RALGAPA2: variants seen among roughly 807,000 people sequenced by gnomAD.
RALGAPA2 encodes Ral GTPase activating protein catalytic subunit alpha 2.
RALGAPA2 carries 139 observed loss-of-function variants against 230.4 expected under a neutral mutation model. That is an observed-to-expected ratio of 0.60 (90% CI 0.53 to 0.69). RALGAPA2 has a LOEUF of 0.69. Among genes scored for constraint, RALGAPA2 ranks in the 30% least tolerant of loss-of-function variants. The pLI is 0.00. For synonymous variants in RALGAPA2, 847 were observed against 837.8 expected (o/e 1.01, Z -0.19); for missense variants, 2,163 against 2,276.0 (o/e 0.95, Z 1.01).
intron 10 of RALGAPA2, among the ~76,000 whole-genome samples, chr20:20,628,054 A>G (rs1167597865): frequency 2.6e-5 from 4 of 152,236 alleles, no homozygotes; most frequent in African/African-American, 9.6e-5. Flanking sequence ...CCACAGAACC[A>G]GAAAAAAATA....
chr20:20,420,932 G>A (rs775055536), intron 37 of RALGAPA2, among the ~76,000 whole-genome samples: 20 of 152,294 alleles, frequency 1.3e-4, no homozygotes, highest in Non-Finnish European at 2.5e-4. Flanking sequence ...ACTACTGGCC[G>A]CTTTTGGTAT....
At chr20:20,509,604 C>T (rs2145318664) in intron 33 of RALGAPA2, among the ~76,000 whole-genome samples, 1 of 152,264 alleles carries the variant, frequency 6.6e-6, no homozygotes, top group South Asian at 2.1e-4. Flanking sequence ...ATACACAAAA[C>T]AGTTCATGCT....
chr20:20,564,230 C>A (rs890853390), intron 23 of RALGAPA2, among the ~76,000 whole-genome samples: 1 of 152,198 alleles, frequency 6.6e-6, no homozygotes, highest in Non-Finnish European at 1.5e-5. Context: ...ATCAAAGCCA[C>A]TCTAGTCATT....
In RALGAPA2 at chr20:20,639,280, TCTAA is replaced by T. The variant is rs1220463300; in HGVS notation, c.666+501_666+504del. Among the ~76,000 whole-genome samples the T allele has an allele frequency of 2.0e-5, 3 of 152,246 alleles. No homozygotes were observed. The East Asian group carries it at 5.8e-4, about 29-fold the overall frequency. On this transcript the variant is annotated intron_variant, in intron 7 of 39. Coordinates refer to ENST00000202677, the MANE Select transcript of RALGAPA2 (RefSeq NM_020343.4). ...AGAAAAAAGAATCAGTACATTTTAT[TCTAA>T]CTATTATTCAGAAATCTAGACCAGG... is the stretch of plus-strand genomic sequence containing the variant.
chr20:20,546,610 T>G, intron 24 of RALGAPA2, 94 bp downstream of exon 24: 1 of 1,401,636 alleles, frequency 7.1e-7, no homozygotes, highest in Non-Finnish European at 9.4e-7. Context: ...ATTGCACTAA[T>G]GAGTCAACAC....
chr20:20,532,959 T>A (rs762917592), intron 26 of RALGAPA2, among the ~76,000 whole-genome samples: 1 of 149,260 alleles, frequency 6.7e-6, no homozygotes, highest in Non-Finnish European at 1.5e-5. Flanking sequence ...AAATACCTAG[T>A]AGAACCTCTA....
At chr20:20,503,265 C>CTA (rs2062430364) in intron 35 of RALGAPA2, 86 bp downstream of exon 35, 3 of 1,208,622 alleles carry the variant, frequency 2.5e-6, no homozygotes, top group Non-Finnish European at 3.3e-6. Context: ...TCTCAGTGTG[C>CTA]GTTCTACCCT....
intron 27 of RALGAPA2, among the ~76,000 whole-genome samples, chr20:20,530,440 G>A (rs548503011): frequency 6.6e-6 from 1 of 152,322 alleles, no homozygotes; most frequent in South Asian, 2.1e-4. Flanking sequence ...AGGAGAAATA[G>A]GGGAGGATGA....
At chr20:20,651,577 T>C (rs984118039) in intron 4 of RALGAPA2, among the ~76,000 whole-genome samples, 2 of 152,178 alleles carry the variant, frequency 1.3e-5, no homozygotes, top group African/African-American at 4.8e-5. Context: ...AAAAGCTACT[T>C]GTACCAGCAA....
At chr20:20,665,953 A>G (rs1221002168) in intron 3 of RALGAPA2, among the ~76,000 whole-genome samples, 2 of 152,236 alleles carry the variant, frequency 1.3e-5, no homozygotes, top group East Asian at 3.8e-4. Flanking sequence ...TGATCCCTGC[A>G]GAGCAGTCTC....
intron 3 of RALGAPA2, among the ~76,000 whole-genome samples, chr20:20,667,457 C>G (rs560001387): frequency 1.3e-5 from 2 of 152,288 alleles, no homozygotes; most frequent in South Asian, 4.1e-4. Flanking sequence ...AGCATAACAC[C>G]AAACTGCAGA....
chr20:20,482,133 T>C (rs911677499), intron 36 of RALGAPA2, among the ~76,000 whole-genome samples: 1 of 152,158 alleles, frequency 6.6e-6, no homozygotes, highest in Admixed American at 6.5e-5. Flanking sequence ...CTCTAAAACT[T>C]TGTCTGAAAA....
chr20:20,640,658 TC>T, intron 6 of RALGAPA2, 42 bp downstream of exon 6: 1 of 1,538,804 alleles, frequency 6.5e-7, no homozygotes, highest in Non-Finnish European at 8.9e-7. Flanking sequence ...CAATGTAAGT[TC>T]AAGAGTAATT....
intron 3 of RALGAPA2, among the ~76,000 whole-genome samples, chr20:20,664,803 A>G (rs1368172971): frequency 1.3e-5 from 2 of 152,220 alleles, no homozygotes; most frequent in African/African-American, 2.4e-5. Flanking sequence ...ATAAATTCAG[A>G]GGATTTAAAC....
intron 35 of RALGAPA2, among the ~76,000 whole-genome samples, chr20:20,498,261 A>G (rs1444954016): frequency 2.6e-5 from 4 of 152,174 alleles, no homozygotes; most frequent in Non-Finnish European, 5.9e-5. Flanking sequence ...TCTGGAATGG[A>G]GCCGGTGTTT....
chr20:20,673,092 G>A (rs889064871), intron 3 of RALGAPA2, among the ~76,000 whole-genome samples: 2 of 152,016 alleles, frequency 1.3e-5, no homozygotes, highest in African/African-American at 4.8e-5. Context: ...GGCTGAGGCA[G>A]GAGAATGGCA....
chr20:20,479,218 T>C (rs946458130), intron 36 of RALGAPA2, among the ~76,000 whole-genome samples: 4 of 152,124 alleles, frequency 2.6e-5, no homozygotes, highest in African/African-American at 9.7e-5. Context: ...CGAATAACCA[T>C]ATTCAAAATA....
At chr20:20,525,752 T>C (rs1373482837) in intron 28 of RALGAPA2, among the ~76,000 whole-genome samples, 3 of 152,320 alleles carry the variant, frequency 2.0e-5, no homozygotes, top group Admixed American at 6.5e-5. Flanking sequence ...AGATTCTTCC[T>C]ATTCCTTCCG....
At chr20:20,558,076 C>G (rs2064140855) in intron 23 of RALGAPA2, among the ~76,000 whole-genome samples, 1 of 152,138 alleles carries the variant, frequency 6.6e-6, no homozygotes, top group African/African-American at 2.4e-5. Context: ...GCAATCTCGG[C>G]TCACTGCAAC....
Sources: gnomAD v4.1 joint callset for allele counts (sites outside exome capture counted in the v4.1 genomes callset) on GRCh38, gnomAD v4.1.1 for gene constraint, MANE v1.5 for transcripts, NCBI Gene and HGNC (gene_info 2026-07-23, HGNC 2026-07-21) for gene names.